The following ZNF462 variants were observed in gnomAD, a reference collection of about 807,000 sequenced individuals.
ZNF462 encodes the protein zinc finger PBX1-interacting protein.
A neutral mutation model predicts 201.9 loss-of-function variants in ZNF462; 10 were observed. The observed-to-expected ratio is 0.05, with a 90% confidence interval of 0.03 to 0.08. The LOEUF (loss-of-function observed/expected upper bound fraction) is 0.08. ZNF462 is among the 10% of genes least tolerant of loss of function. ZNF462 has a pLI of 1.00. For synonymous variants in ZNF462, 1,227 were observed against 1,193.3 expected (o/e 1.03, Z -0.58); for missense variants, 2,523 against 3,168.3 (o/e 0.80, Z 4.89).
chr9:106,983,562 A>G (rs377086576), intron 9 of ZNF462, among the ~76,000 whole-genome samples: 89 of 152,232 alleles, frequency 5.8e-4, no homozygotes, highest in African/African-American at 2.1e-3. Context: ...ATAGTGAGAA[A>G]TAATAGATTT....
rs1182955399 is a variant in ZNF462, at chr9:106,970,834, CT to C, written c.6428-1169del. ...TTTATTTATTTTTACTTTTTTTTCT[CT>C]TCTTTTTTTTTAATTCAAAGAAGAA... On this transcript the variant is annotated intron_variant, in intron 7 of 12. Coordinates refer to ENST00000277225, the MANE Select transcript of ZNF462 (RefSeq NM_021224.6). The surrounding 1 kb of genome is among the most constrained non-coding windows in gnomAD (Gnocchi z 4.2). Among the ~76,000 whole-genome samples, 10 of 140,104 alleles carry C rather than the reference CT, an allele frequency of 7.1e-5. No individual in the cohort carries two copies. The highest frequency in any genetic ancestry group is 2.4e-4 in the African/African-American group (8 of 33,886). 91.9% of individuals were successfully genotyped at this position (140,104 alleles called of 152,430 possible).
In ZNF462 at chr9:106,993,955, C is replaced by A. The variant is rs1463181070; in HGVS notation, c.7057-9339C>A. ...CCTTAAAGTCATGAAGAAAAACAAA[C>A]CTTGCACTTCTCACATTTAAAAAAT... On this transcript the variant is annotated intron_variant, in intron 10 of 12. Coordinates refer to ENST00000277225, the MANE Select transcript of ZNF462 (RefSeq NM_021224.6). This position sits in a 1 kb window ranked among gnomAD's most constrained non-coding sequence, Gnocchi z 4.0. Among the ~76,000 whole-genome samples the A allele has an allele frequency of 2.0e-5, 3 of 152,056 alleles. No homozygotes were observed. In the South Asian group the frequency reaches 6.2e-4, roughly 31 times the overall value.
At position 106,938,992 on chromosome 9, in the gene ZNF462, G is replaced by T; in HGVS notation, c.6312G>T (p.Lys2104Asn). ...TISQLKEHSL[K>N]VHGKALTLPR... ...GCCAGCTGAAGGAACACTCCCTCAA[G>T]GTCCACGGAAAAGCCCTGACCCTCC... The change falls in exon 7 of 13, where the codon AAG (lysine) becomes AAT (asparagine). Residue 2104 changes from lysine to asparagine, a missense_variant. Physicochemically the swap from Lys to Asn is moderately conservative, Grantham distance 94. Coordinates refer to ENST00000277225, the MANE Select transcript of ZNF462 (RefSeq NM_021224.6). The surrounding 1 kb of genome is among the most constrained non-coding windows in gnomAD (Gnocchi z 4.4). 1.9e-6 allele frequency: 3 copies of T among 1,613,854 alleles called. No homozygotes were observed. Among genetic ancestry groups the T allele is most frequent in the Non-Finnish European group, 2.5e-6 (3 of 1,179,952 alleles).
chr9:107,004,140 G>A (rs1407548991), intron 11 of ZNF462, among the ~76,000 whole-genome samples: 3 of 152,132 alleles, frequency 2.0e-5, no homozygotes, highest in Non-Finnish European at 4.4e-5. Flanking sequence ...ATTGTTCAAC[G>A]TAGAATATTG....
chr9:106,898,509 C>T (rs1828912117), intron 1 of ZNF462, among the ~76,000 whole-genome samples: 1 of 152,140 alleles, frequency 6.6e-6, no homozygotes, highest in Non-Finnish European at 1.5e-5. Flanking sequence ...AAGATGCTAC[C>T]AGCATCTAGT....
chr9:106,924,999 T>G lies in ZNF462; in HGVS notation c.1087T>G (p.Ser363Ala). 1 of 1,614,134 alleles carries G rather than the reference T, an allele frequency of 6.2e-7. No individual in the cohort carries two copies. Among genetic ancestry groups the G allele is most frequent in the South Asian group, 1.1e-5 (1 of 91,072 alleles). Reference protein sequence around the residue: ...NSGLVNLTERSRYGMTDMTNS... With the variant: ...NSGLVNLTERARYGMTDMTNS... ...TGGTCTAGTTAACTTGACAGAGAGA[T>G]CCCGTTATGGAATGACTGACATGAC... Residue 363 changes from serine to alanine, a missense_variant, in exon 3 of 13, where the codon TCC (serine) becomes GCC (alanine). Transcript: ENST00000277225. This position sits in a 1 kb window ranked among gnomAD's most constrained non-coding sequence, Gnocchi z 6.2.
chr9:106,898,286 G>A (rs923616914), intron 1 of ZNF462, among the ~76,000 whole-genome samples: 2 of 152,200 alleles, frequency 1.3e-5, no homozygotes, highest in African/African-American at 2.4e-5. Context: ...CAACTAAGTG[G>A]ATGGTGCTGT....
In ZNF462 at chr9:106,935,639, G is replaced by A; in HGVS notation, c.6235+18G>A. 1 of 1,576,710 alleles carries A rather than the reference G, an allele frequency of 6.3e-7. No individual in the cohort carries two copies. Among genetic ancestry groups the A allele is most frequent in the Non-Finnish European group, 8.7e-7 (1 of 1,146,080 alleles). On this transcript the variant is annotated intron_variant, in intron 6 of 12. Transcript: ENST00000277225. This position sits in a 1 kb window ranked among gnomAD's most constrained non-coding sequence, Gnocchi z 4.1. ...TCATGCTGGTGAGTTGTGCATTGAT[G>A]ATGCACAAGTTCTTTAGCACTCTCT... is the stretch of plus-strand genomic sequence containing the variant.
upstream of ZNF462, among the ~76,000 whole-genome samples, chr9:106,862,684 C>G (rs1015296889): frequency 6.6e-6 from 1 of 152,064 alleles, no homozygotes; most frequent in Admixed American, 6.5e-5. The surrounding 1 kb of genome is among the most constrained non-coding windows in gnomAD (Gnocchi z 4.2). Context: ...CCAGCCTTAA[C>G]TTTGCAACCA....
At position 106,938,797 on chromosome 9, in the gene ZNF462, A is replaced by G. The variant is rs1830740143; in HGVS notation, c.6236-119A>G. The G allele has an allele frequency of 1.8e-6, 2 of 1,103,140 alleles. No homozygotes were observed. The highest frequency in any genetic ancestry group is 2.5e-5 in the East Asian group (1 of 40,102). The allele number at this position is 1,103,140 out of a possible 1,614,324, so 68.3% of individuals were successfully genotyped here. On this transcript the variant is annotated intron_variant, in intron 6 of 12. Coordinates refer to ENST00000277225, the MANE Select transcript of ZNF462 (RefSeq NM_021224.6). This position sits in a 1 kb window ranked among gnomAD's most constrained non-coding sequence, Gnocchi z 4.4. ...GGTCTGTGAGGTTCGTTCATAGAAC[A>G]TGAAGCTTGAGATGCGCTTCTCTAG...
At chr9:106,899,237 T>TGGGG (rs1828946084) in intron 1 of ZNF462, among the ~76,000 whole-genome samples, 1 of 32,112 alleles carries the variant, frequency 3.1e-5, no homozygotes, top group Admixed American at 4.9e-4. Flanking sequence ...TGTGTGTGTG[T>TGGGG]GTGGGGGGGG....
At chr9:107,001,139 C>A (rs921139217) in intron 10 of ZNF462, among the ~76,000 whole-genome samples, 5 of 152,114 alleles carry the variant, frequency 3.3e-5, no homozygotes, top group African/African-American at 1.2e-4. Flanking sequence ...GAAAGGCTGC[C>A]TTTTATGTGC....
intron 7 of ZNF462, among the ~76,000 whole-genome samples, chr9:106,959,413 T>G (rs1831727323): frequency 6.6e-6 from 1 of 152,076 alleles, no homozygotes; most frequent in East Asian, 1.9e-4. Flanking sequence ...CATAAACACT[T>G]ACTTGGTGCA....
Position 106,927,401 on chromosome 9 carries a change from C to T in ZNF462, c.3489C>T (p.Pro1163=). 6.2e-7 allele frequency: 1 copy of T among 1,613,896 alleles called. No homozygotes were observed. Among genetic ancestry groups the T allele is most frequent in the South Asian group, 1.1e-5 (1 of 91,052 alleles). The change falls in exon 3 of 13, where the codon CCC becomes CCT. Residue 1163 remains proline, a synonymous_variant. Transcript: ENST00000277225. ...TAAMMRGVEG[P]QGSPRPPAPI... ...CAATGATGAGAGGGGTCGAAGGGCC[C>T]CAAGGCTCCCCCCGGCCACCCGCCC...
intron 1 of ZNF462, among the ~76,000 whole-genome samples, chr9:106,904,048 A>G (rs944165337): frequency 2.6e-5 from 4 of 152,026 alleles, no homozygotes; most frequent in Non-Finnish European, 4.4e-5. Context: ...TTATGTTTTA[A>G]AGAGATTCTG....
intron 10 of ZNF462, among the ~76,000 whole-genome samples, chr9:106,992,827 G>A (rs564000516): frequency 1.3e-5 from 2 of 152,154 alleles, no homozygotes; most frequent in South Asian, 2.1e-4. Flanking sequence ...AAATTTTATG[G>A]TAGGTAAATT....
Position 106,883,265 on chromosome 9 carries a change from C to T in ZNF462, c.-31+19910C>T, listed in dbSNP as rs1412766862. Reference sequence around the variant, plus strand: ...TATTTGGTTAATGGTTGACCTAGTTCTAATGCCATATGCTTCCTGGAACGC... The same window carrying T: ...TATTTGGTTAATGGTTGACCTAGTTTTAATGCCATATGCTTCCTGGAACGC... On this transcript the variant is annotated intron_variant, in intron 1 of 12. Transcript: ENST00000277225. This position sits in a 1 kb window ranked among gnomAD's most constrained non-coding sequence, Gnocchi z 4.9. Among the ~76,000 whole-genome samples the T allele has an allele frequency of 1.3e-5, 2 of 152,178 alleles. No homozygotes were observed. The highest frequency in any genetic ancestry group is 2.9e-5 in the Non-Finnish European group (2 of 68,028).
At chr9:106,879,332 A>ACCCCCCCCCCCCCCCCC (rs796290122) in intron 1 of ZNF462, among the ~76,000 whole-genome samples, 2 of 70,632 alleles carry the variant, frequency 2.8e-5, no homozygotes, top group Non-Finnish European at 2.8e-5. Flanking sequence ...GATGCTTTCC[A>ACCCCCCCCCCCCCCCCC]CCCCCCCCCC....
Position 107,003,223 on chromosome 9 carries a change from A to G in ZNF462, c.7057-71A>G, listed in dbSNP as rs900261187. 6.4e-7 allele frequency: 1 copy of G among 1,568,166 alleles called. No homozygotes were observed. The highest frequency in any genetic ancestry group is 8.6e-7 in the Non-Finnish European group (1 of 1,156,936). On this transcript the variant is annotated intron_variant, in intron 10 of 12. Coordinates refer to ENST00000277225, the MANE Select transcript of ZNF462 (RefSeq NM_021224.6). The surrounding 1 kb of genome is among the most constrained non-coding windows in gnomAD (Gnocchi z 4.4). ...GTCACAGGAAAATGATGTTAGAAAGATCTCTCCATCAGGGAGAACCCCATT... is the reference window on the plus strand; with the variant it reads ...GTCACAGGAAAATGATGTTAGAAAGGTCTCTCCATCAGGGAGAACCCCATT...
Sources: gnomAD v4.1 joint callset for allele counts (sites outside exome capture counted in the v4.1 genomes callset) on GRCh38, gnomAD v4.1.1 for gene constraint, Gnocchi (gnomAD v3.1) non-coding constraint, MANE v1.5 for transcripts, NCBI Gene and HGNC (gene_info 2026-07-23, HGNC 2026-07-21) for gene names.